Variants in CSMD3 observed in about 807,000 individuals in gnomAD.
The protein encoded by CSMD3 is CUB and Sushi multiple domains 3.
In CSMD3, 177 loss-of-function variants were observed where a neutral mutation model predicts 435.2. The observed-to-expected ratio is 0.41, with a 90% CI of 0.36 to 0.46. The LOEUF is 0.46. Ranked by LOEUF, CSMD3 falls within the 20% of genes least tolerant of loss-of-function variation. CSMD3 has a pLI of 0.34. For synonymous variants in CSMD3, 1,656 were observed against 1,520.5 expected, an observed-to-expected ratio of 1.09 and a Z score of -2.07; for missense variants, 4,265 against 4,504.6, an observed-to-expected ratio of 0.95 and a Z score of 1.52.
intron 32 of CSMD3, among the ~76,000 whole-genome samples, chr8:112,436,485 C>A (rs569455912): frequency 6.6e-6 from 1 of 151,714 alleles, no homozygotes; most frequent in Non-Finnish European, 1.5e-5. Flanking sequence ...GTACTATATA[C>A]TACATCCTAT....
At chr8:112,494,546 T>C (rs1821115808) in intron 30 of CSMD3, among the ~76,000 whole-genome samples, 1 of 146,338 alleles carries the variant, frequency 6.8e-6, no homozygotes, top group African/African-American at 2.6e-5. Context: ...TTTCTTTCTT[T>C]CTTTCTTTCT....
chr8:112,674,098 C>T (rs988434365), intron 16 of CSMD3, among the ~76,000 whole-genome samples: 2 of 152,126 alleles, frequency 1.3e-5, no homozygotes, highest in Non-Finnish European at 2.9e-5. Flanking sequence ...TCTCCATTCA[C>T]TCACCCAAGG....
chr8:112,605,330 A>G (rs1472157986), intron 22 of CSMD3, among the ~76,000 whole-genome samples: 2 of 152,180 alleles, frequency 1.3e-5, no homozygotes, highest in African/African-American at 4.8e-5. Flanking sequence ...ACATGCATAC[A>G]TATGTTCATT....
At chr8:113,398,674 T>C (rs1258645886) in intron 1 of CSMD3, among the ~76,000 whole-genome samples, 1 of 152,150 alleles carries the variant, frequency 6.6e-6, no homozygotes. Flanking sequence ...CTTCTAAAAT[T>C]GTGCTTATTA....
intron 22 of CSMD3, among the ~76,000 whole-genome samples, chr8:112,597,635 C>T (rs1359676819): frequency 2.5e-5 from 3 of 119,660 alleles, no homozygotes; most frequent in African/African-American, 3.5e-5. Flanking sequence ...ACTGGCAAAC[C>T]GAATCCAGTA....
intron 5 of CSMD3, among the ~76,000 whole-genome samples, chr8:113,029,846 G>GACTTC (rs2087017916): frequency 6.6e-6 from 1 of 151,430 alleles, no homozygotes; most frequent in Non-Finnish European, 1.5e-5. Flanking sequence ...GTCACTGTTT[G>GACTTC]CTGATGATAT....
intron 6 of CSMD3, among the ~76,000 whole-genome samples, chr8:112,982,795 T>A (rs1276166491): frequency 1.3e-5 from 2 of 152,018 alleles, no homozygotes; most frequent in Non-Finnish European, 2.9e-5. Context: ...TATTACCTTC[T>A]TTCTGAATAA....
intron 3 of CSMD3, among the ~76,000 whole-genome samples, chr8:113,266,621 G>A (rs1457618579): frequency 6.6e-6 from 1 of 151,482 alleles, no homozygotes; most frequent in Non-Finnish European, 1.5e-5. Context: ...AGCTGTGAAT[G>A]GCACATATAA....
intron 27 of CSMD3, among the ~76,000 whole-genome samples, chr8:112,542,736 C>T (rs1414558971): frequency 6.6e-6 from 1 of 151,782 alleles, no homozygotes; most frequent in Admixed American, 6.6e-5. Context: ...TCACATGAAA[C>T]CAAAAATAAC....
intron 4 of CSMD3, among the ~76,000 whole-genome samples, chr8:113,119,977 C>G (rs921756664): frequency 2.7e-4 from 40 of 148,328 alleles, no homozygotes; most frequent in African/African-American, 8.8e-4. Context: ...ATTTAATAAT[C>G]CAAGCTCAAT....
chr8:112,410,628 G>GTATATATAGGTATATATATGTGTA lies in CSMD3; in HGVS notation c.5396-1597_5396-1596insTACACATATATATACCTATATATA, dbSNP rs1832287426. Among the ~76,000 whole-genome samples, 2 of 69,954 alleles carry GTATATATAGGTATATATATGTGTA rather than the reference G, an allele frequency of 2.9e-5. 1 individual carries two copies. Among genetic ancestry groups the GTATATATAGGTATATATATGTGTA allele is most frequent in the African/African-American group, 9.2e-5 (2 of 21,672 alleles). 45.9% of individuals were successfully genotyped at this position (69,954 alleles called of 152,430 possible). A position where few individuals can be genotyped will look rare whatever the true frequency, so the allele number is the denominator to read the frequency against. ...TGTATATATATATGTATATATATGT[G>GTATATATAGGTATATATATGTGTA]TATATATATGTATATATATATGTGT... On this transcript the variant is annotated intron_variant, in intron 32 of 70. Coordinates refer to ENST00000297405, the MANE Select transcript of CSMD3 (RefSeq NM_198123.2).
At chr8:113,346,601 T>C (rs990207768) in intron 1 of CSMD3, among the ~76,000 whole-genome samples, 1 of 152,212 alleles carries the variant, frequency 6.6e-6, no homozygotes. Context: ...CTGTGTTCTT[T>C]GTATAGTTAT....
At chr8:113,310,636 G>A (rs1028325797) in intron 2 of CSMD3, 1 of 151,700 alleles carries the variant, frequency 6.6e-6, no homozygotes, top group Non-Finnish European at 1.5e-5. Context: ...AAGAATAAAA[G>A]ATGTAAGTCT....
chr8:112,342,802 T>A (rs1035673374), intron 41 of CSMD3, among the ~76,000 whole-genome samples: 3 of 151,874 alleles, frequency 2.0e-5, no homozygotes, highest in African/African-American at 7.2e-5. Flanking sequence ...AACAACTTTC[T>A]AAAAAATTAG....
intron 7 of CSMD3, among the ~76,000 whole-genome samples, chr8:112,968,369 G>A (rs1055813710): frequency 6.6e-6 from 1 of 151,584 alleles, no homozygotes; most frequent in Admixed American, 6.6e-5. Flanking sequence ...ATTATTTGAT[G>A]CTTTAGTGAT....
chr8:112,345,219 C>T (rs1825552508), intron 41 of CSMD3, among the ~76,000 whole-genome samples: 1 of 152,084 alleles, frequency 6.6e-6, no homozygotes, highest in Non-Finnish European at 1.5e-5. Flanking sequence ...ACCACATGTG[C>T]CAACAATCCT....
intron 6 of CSMD3, among the ~76,000 whole-genome samples, chr8:112,978,528 T>G (rs2084935128): frequency 6.6e-6 from 1 of 151,970 alleles, no homozygotes; most frequent in Non-Finnish European, 1.5e-5. Context: ...CCCAGGACTT[T>G]CTAGCAGTCC....
intron 4 of CSMD3, among the ~76,000 whole-genome samples, chr8:113,130,785 A>G (rs1388856893): frequency 6.6e-6 from 1 of 152,088 alleles, no homozygotes; most frequent in Non-Finnish European, 1.5e-5. Flanking sequence ...CTTCCTATAG[A>G]CTTGTTAAAT....
At chr8:112,610,271 A>G (rs1340689527) in intron 22 of CSMD3, among the ~76,000 whole-genome samples, 1 of 152,012 alleles carries the variant, frequency 6.6e-6, no homozygotes, top group East Asian at 1.9e-4. Context: ...TTAAAACATT[A>G]CGTTGTATAT....
Sources: allele counts gnomAD v4.1 joint callset (sites outside exome capture counted in the v4.1 genomes callset), GRCh38; gene constraint gnomAD v4.1.1; transcripts MANE v1.5; gene names NCBI Gene and HGNC (gene_info 2026-07-23, HGNC 2026-07-21).